Variants in GLT1D1 observed in about 807,000 individuals in gnomAD.
GLT1D1 encodes glycosyltransferase 1 domain-containing protein 1.
A neutral mutation model predicts 28.7 loss-of-function variants in GLT1D1; 21 were observed. The ratio of observed to expected loss-of-function variants is 0.73; its 90% CI spans 0.52 to 1.05. The LOEUF is 1.05. GLT1D1 is among the 50% of genes least tolerant of loss of function. The pLI, the probability that GLT1D1 is intolerant of heterozygous loss-of-function variation, is 0.00. For synonymous variants in GLT1D1, 147 were observed against 124.8 expected, an observed-to-expected ratio of 1.18 and a Z score of -1.19; for missense variants, 343 against 330.6, an observed-to-expected ratio of 1.04 and a Z score of -0.29.
chr12:128,855,769 T>G (rs1956202703), intron 1 of GLT1D1, among the ~76,000 whole-genome samples: 1 of 129,404 alleles, frequency 7.7e-6, no homozygotes, highest in Admixed American at 7.5e-5. Flanking sequence ...TTTTTTTTTT[T>G]TGAGACAAAG....
chr12:128,889,810 C>T (rs1402297749), intron 3 of GLT1D1, among the ~76,000 whole-genome samples: 4 of 152,180 alleles, frequency 2.6e-5, no homozygotes, highest in African/African-American at 9.7e-5. Context: ...AGTCTCATTC[C>T]GTTGCCCAGG....
At chr12:128,948,632 G>A (rs1332206194) in intron 6 of GLT1D1, among the ~76,000 whole-genome samples, 1 of 152,206 alleles carries the variant, frequency 6.6e-6, no homozygotes, top group Non-Finnish European at 1.5e-5. Context: ...TTATGTCAGT[G>A]TCTACTTAGG....
chr12:128,860,096 C>G (rs891406283), intron 1 of GLT1D1, among the ~76,000 whole-genome samples: 6 of 152,226 alleles, frequency 3.9e-5, no homozygotes, highest in Non-Finnish European at 8.8e-5. Context: ...GGCACCTACA[C>G]TCTAGAGATG....
At chr12:128,883,597 A>AAG (rs1957114507) in intron 2 of GLT1D1, among the ~76,000 whole-genome samples, 2 of 150,746 alleles carry the variant, frequency 1.3e-5, no homozygotes, top group South Asian at 4.2e-4. Flanking sequence ...CTCAAAAAAA[A>AAG]AAAAAAAAAA....
At chr12:128,883,827 T>A (rs1957119980) in intron 2 of GLT1D1, among the ~76,000 whole-genome samples, 1 of 152,098 alleles carries the variant, frequency 6.6e-6, no homozygotes, top group Non-Finnish European at 1.5e-5. Flanking sequence ...GCCATCATAT[T>A]AGAGCAAGGG....
At chr12:128,928,225 C>T (rs1183523015) in intron 4 of GLT1D1, among the ~76,000 whole-genome samples, 2 of 152,116 alleles carry the variant, frequency 1.3e-5, no homozygotes, top group South Asian at 2.1e-4. Context: ...GCAGGTGACA[C>T]CTTTGGGAGC....
intron 4 of GLT1D1, among the ~76,000 whole-genome samples, chr12:128,928,824 G>A (rs763428182): frequency 3.9e-5 from 6 of 151,996 alleles, no homozygotes; most frequent in African/African-American, 9.7e-5. Flanking sequence ...GTTTTACCAC[G>A]TTGGGCAGGC....
intron 6 of GLT1D1, among the ~76,000 whole-genome samples, chr12:128,954,212 C>G (rs1215146399): frequency 6.6e-6 from 1 of 151,838 alleles, no homozygotes; most frequent in Non-Finnish European, 1.5e-5. Context: ...CAAGCTCCAC[C>G]TCCCAGGTTC....
At chr12:128,974,906 T>C (rs948228832) in intron 7 of GLT1D1, among the ~76,000 whole-genome samples, 1 of 152,238 alleles carries the variant, frequency 6.6e-6, no homozygotes, top group African/African-American at 2.4e-5. Context: ...AGCTCTCTCT[T>C]CGCTAAAGAA....
intron 7 of GLT1D1, among the ~76,000 whole-genome samples, chr12:128,969,131 C>A (rs569475119): frequency 8.0e-6 from 1 of 125,124 alleles, no homozygotes; most frequent in African/African-American, 4.5e-5. Context: ...GTTTCTGTAG[C>A]CTTCCTCCCT....
At chr12:128,926,158 G>C (rs968875641) in intron 4 of GLT1D1, among the ~76,000 whole-genome samples, 2 of 150,570 alleles carry the variant, frequency 1.3e-5, no homozygotes, top group Non-Finnish European at 3.0e-5. Context: ...TTGCACCACT[G>C]CACTCAGCCT....
chr12:128,973,718 G>A (rs1375733765), intron 7 of GLT1D1, among the ~76,000 whole-genome samples: 2 of 151,964 alleles, frequency 1.3e-5, no homozygotes, highest in South Asian at 2.1e-4. Context: ...AACCCCCAAA[G>A]CACACCAGAG....
chr12:128,947,197 G>A, intron 5 of GLT1D1, 141 bp from the exon 10 acceptor site: 1 of 902,086 alleles, frequency 1.1e-6, no homozygotes, highest in Non-Finnish European at 1.7e-6. Context: ...CCCCAGTATA[G>A]TTCTCCTGGC....
intron 4 of GLT1D1, among the ~76,000 whole-genome samples, chr12:128,923,455 C>A (rs568983117): frequency 1.4e-4 from 22 of 152,142 alleles, no homozygotes; most frequent in South Asian, 1.2e-3. Flanking sequence ...CCTCCAAAGT[C>A]TTTGCTAATA....
intron 4 of GLT1D1, among the ~76,000 whole-genome samples, chr12:128,931,890 T>C (rs1004062168): frequency 7.7e-6 from 1 of 129,646 alleles, no homozygotes. Context: ...ACTGTGTTCA[T>C]GTGAGGATAT....
intron 4 of GLT1D1, among the ~76,000 whole-genome samples, chr12:128,938,868 A>G (rs1037901485): frequency 2.0e-5 from 3 of 152,168 alleles, no homozygotes; most frequent in Admixed American, 1.3e-4. Context: ...TTAAAATTCT[A>G]TTCATTGTCG....
chr12:128,948,048 C>T (rs1876306006), intron 6 of GLT1D1, among the ~76,000 whole-genome samples: 1 of 152,128 alleles, frequency 6.6e-6, no homozygotes, highest in African/African-American at 2.4e-5. Flanking sequence ...AATTCCCCAC[C>T]AGCATATCTG....
chr12:128,918,190 C>A (rs1246138935), intron 4 of GLT1D1, among the ~76,000 whole-genome samples: 1 of 152,192 alleles, frequency 6.6e-6, no homozygotes, highest in African/African-American at 2.4e-5. Context: ...CCGTTATCCT[C>A]AGCAAACTAA....
intron 3 of GLT1D1, among the ~76,000 whole-genome samples, chr12:128,898,389 C>G (rs1423663367): frequency 1.3e-5 from 2 of 152,054 alleles, no homozygotes; most frequent in African/African-American, 4.8e-5. Flanking sequence ...GTTGCCCAGG[C>G]TGGTCTTGAA....
Sources: gnomAD v4.1 joint callset for allele counts (sites outside exome capture counted in the v4.1 genomes callset) on GRCh38, gnomAD v4.1.1 for gene constraint, MANE v1.5 for transcripts, NCBI Gene and HGNC (gene_info 2026-07-23, HGNC 2026-07-21) for gene names.